LDB2: variants seen among roughly 807,000 people sequenced by gnomAD.
LDB2 encodes LIM domain binding 2, also known as LIM domain-binding protein 2.
Under a neutral mutation model 44.3 loss-of-function variants are expected in LDB2, and 12 were observed. The observed-to-expected ratio is 0.27, with a 90% CI of 0.17 to 0.44. LDB2 has a LOEUF of 0.44. LDB2 is among the 20% of genes least tolerant of loss of function. The pLI is 1.00. For synonymous variants in LDB2, 164 were observed against 174.8 expected, an observed-to-expected ratio of 0.94 and a Z score of 0.49; for missense variants, 344 against 473.5, an observed-to-expected ratio of 0.73 and a Z score of 2.54.
At chr4:16,679,747 A>T (rs1747333848) in intron 2 of LDB2, among the ~76,000 whole-genome samples, 1 of 152,082 alleles carries the variant, frequency 6.6e-6, no homozygotes, top group South Asian at 2.1e-4. Flanking sequence ...TTCGTAAAGG[A>T]GGAGCTGATG....
intron 6 of LDB2, 55 bp downstream of exon 6, chr4:16,511,926 C>G: frequency 1.3e-6 from 2 of 1,563,062 alleles, no homozygotes; most frequent in Non-Finnish European, 1.7e-6. Flanking sequence ...CACTTCATCC[C>G]TGGAAGACAC....
chr4:16,573,608 C>G (rs1246310780), intron 5 of LDB2, among the ~76,000 whole-genome samples: 1 of 152,174 alleles, frequency 6.6e-6, no homozygotes, highest in Non-Finnish European at 1.5e-5. Context: ...TGAATAGCAG[C>G]TTTTATGCTT....
At chr4:16,764,167 C>T (rs1244168482) in intron 1 of LDB2, among the ~76,000 whole-genome samples, 1 of 151,998 alleles carries the variant, frequency 6.6e-6, no homozygotes, top group Non-Finnish European at 1.5e-5. Context: ...GGTTGAAGAC[C>T]AAAAATGCTT....
At chr4:16,759,418 T>C in intron 1 of LDB2, 158 bp from the exon 2 acceptor site, 1 of 584,250 alleles carries the variant, frequency 1.7e-6, no homozygotes. Flanking sequence ...CGGTCACTCT[T>C]CAAATTAATT....
intron 5 of LDB2, among the ~76,000 whole-genome samples, chr4:16,554,756 G>A (rs1042259080): frequency 6.6e-6 from 1 of 152,204 alleles, no homozygotes; most frequent in Non-Finnish European, 1.5e-5. Flanking sequence ...GGTGGCCAGA[G>A]GTTAAATGGG....
chr4:16,824,223 G>A (rs28576700), intron 1 of LDB2, among the ~76,000 whole-genome samples: 47 of 150,760 alleles, frequency 3.1e-4, no homozygotes, highest in Non-Finnish European at 1.0e-4. Flanking sequence ...GTGTGTGTAT[G>A]TGTGTGTGTG....
chr4:16,619,322 A>C (rs1296750924), intron 2 of LDB2, among the ~76,000 whole-genome samples: 2 of 152,148 alleles, frequency 1.3e-5, no homozygotes, highest in African/African-American at 4.8e-5. Flanking sequence ...ACTCCATCCC[A>C]CCAGGTGAGA....
At chr4:16,634,691 C>G (rs186364955) in intron 2 of LDB2, among the ~76,000 whole-genome samples, 1 of 151,970 alleles carries the variant, frequency 6.6e-6, no homozygotes, top group African/African-American at 2.4e-5. Context: ...ACACTGTTGG[C>G]GGGAGTGTAA....
intron 5 of LDB2, among the ~76,000 whole-genome samples, chr4:16,520,964 T>C (rs1725863048): frequency 6.6e-6 from 1 of 152,288 alleles, no homozygotes; most frequent in South Asian, 2.1e-4. Flanking sequence ...CCACAATGCT[T>C]GGGTTATTTG....
At chr4:16,534,442 G>A (rs1478560696) in intron 5 of LDB2, among the ~76,000 whole-genome samples, 3 of 152,220 alleles carry the variant, frequency 2.0e-5, no homozygotes, top group South Asian at 2.1e-4. Context: ...AGGAATTCTC[G>A]TCTCCAGCAC....
chr4:16,729,288 G>A (rs1222887381), intron 2 of LDB2, among the ~76,000 whole-genome samples: 4 of 152,106 alleles, frequency 2.6e-5, no homozygotes, highest in East Asian at 1.9e-4. Flanking sequence ...GCCTTTATAA[G>A]CTCAGCCTTT....
intron 5 of LDB2, among the ~76,000 whole-genome samples, chr4:16,546,975 A>G (rs1365685070): frequency 6.6e-6 from 1 of 152,212 alleles, no homozygotes; most frequent in Non-Finnish European, 1.5e-5. Flanking sequence ...GGTGGGTTGA[A>G]TAATGTCCTC....
intron 2 of LDB2, among the ~76,000 whole-genome samples, chr4:16,656,209 G>A (rs1739817190): frequency 6.6e-6 from 1 of 152,104 alleles, no homozygotes; most frequent in South Asian, 2.1e-4. Flanking sequence ...CCAAGAAAAC[G>A]TCCTTTAAAA....
intron 2 of LDB2, among the ~76,000 whole-genome samples, chr4:16,664,095 A>G (rs528958365): frequency 5.9e-5 from 9 of 152,298 alleles, no homozygotes; most frequent in Admixed American, 2.0e-4. Context: ...GTGTCCCCCA[A>G]AATTCATATC....
At chr4:16,855,755 A>AT (rs112619119) in intron 1 of LDB2, among the ~76,000 whole-genome samples, 1,708 of 152,208 alleles carry the variant, frequency 0.011, 30 homozygotes, top group African/African-American at 0.034. Context: ...AATGAGTGTG[A>AT]TTTTTTTATT....
intron 1 of LDB2, among the ~76,000 whole-genome samples, chr4:16,872,075 C>T (rs994538997): frequency 3.3e-5 from 5 of 151,986 alleles, no homozygotes; most frequent in Non-Finnish European, 7.4e-5. Flanking sequence ...TATCCATAAA[C>T]TGTAAACTAT....
At chr4:16,738,158 T>C (rs553156645) in intron 2 of LDB2, among the ~76,000 whole-genome samples, 1 of 152,310 alleles carries the variant, frequency 6.6e-6, no homozygotes, top group African/African-American at 2.4e-5. Context: ...ACCAAAGATA[T>C]CAACACCTGA....
At chr4:16,693,236 G>A (rs1245362544) in intron 2 of LDB2, among the ~76,000 whole-genome samples, 5 of 151,952 alleles carry the variant, frequency 3.3e-5, no homozygotes, top group African/African-American at 1.2e-4. Context: ...CAAGAATCTT[G>A]GTACCTAAGA....
intron 1 of LDB2, among the ~76,000 whole-genome samples, chr4:16,804,993 CCACCTTCT>C (rs1338639801): frequency 2.6e-5 from 4 of 151,844 alleles, no homozygotes; most frequent in Non-Finnish European, 5.9e-5. Flanking sequence ...TTGTAGACAT[CCACCTTCT>C]CTCTGTGTAT....
Sources: allele counts gnomAD v4.1 joint callset (sites outside exome capture counted in the v4.1 genomes callset), GRCh38; gene constraint gnomAD v4.1.1; transcripts MANE v1.5; gene names NCBI Gene and HGNC (gene_info 2026-07-23, HGNC 2026-07-21).